Variants in RBFOX1 observed in about 807,000 individuals in gnomAD.
RBFOX1 encodes RNA binding fox-1 homolog 1.
Under a neutral mutation model 57.7 loss-of-function variants are expected in RBFOX1, and 8 were observed. That is an observed-to-expected ratio of 0.14 (90% CI 0.08 to 0.25). The LOEUF (loss-of-function observed/expected upper bound fraction) is 0.25. Ranked by LOEUF, RBFOX1 falls within the 10% of genes least tolerant of loss-of-function variation. The pLI is 1.00. For missense variants in RBFOX1, 611 were observed against 548.5 expected, an observed-to-expected ratio of 1.11 and a Z score of -1.14; for synonymous variants, 326 against 222.4, an observed-to-expected ratio of 1.47 and a Z score of -4.15.
intron 1 of RBFOX1, among the ~76,000 whole-genome samples, chr16:6,210,390 G>A (rs1343087791): frequency 2.8e-5 from 4 of 140,622 alleles, no homozygotes; most frequent in South Asian, 2.3e-4. Flanking sequence ...AGAAAGGAAG[G>A]AAGGAAAGAA....
chr16:5,920,123 A>G (rs2058789891), intron 4 of RBFOX1, among the ~76,000 whole-genome samples: 1 of 151,998 alleles, frequency 6.6e-6, no homozygotes, highest in South Asian at 2.1e-4. Flanking sequence ...TTTGGTAGAG[A>G]CGGGATTTCA....
At chr16:6,034,004 C>G (rs2095327099) in intron 1 of RBFOX1, among the ~76,000 whole-genome samples, 1 of 152,092 alleles carries the variant, frequency 6.6e-6, no homozygotes, top group Non-Finnish European at 1.5e-5. Context: ...AGTTCTGCTG[C>G]TATAACAAAA....
intron 1 of RBFOX1, among the ~76,000 whole-genome samples, chr16:6,100,927 C>T (rs1369471074): frequency 6.6e-6 from 1 of 152,116 alleles, no homozygotes. Context: ...GACTGTGTGG[C>T]CAATCTTCCC....
At chr16:6,270,038 T>C (rs1351511831) in intron 1 of RBFOX1, among the ~76,000 whole-genome samples, 1 of 152,126 alleles carries the variant, frequency 6.6e-6, no homozygotes, top group Admixed American at 6.5e-5. Context: ...GTTATGTATG[T>C]ATATTGCACT....
intron 3 of RBFOX1, among the ~76,000 whole-genome samples, chr16:5,741,766 T>C (rs1455899199): frequency 6.6e-6 from 1 of 152,214 alleles, no homozygotes; most frequent in African/African-American, 2.4e-5. Context: ...ATATTTAAAG[T>C]GAAACTTTGA....
At chr16:6,424,613 G>A (rs558898336) in intron 2 of RBFOX1, among the ~76,000 whole-genome samples, 66 of 115,946 alleles carry the variant, frequency 5.7e-4, no homozygotes, top group African/African-American at 2.2e-3. Flanking sequence ...CACTGTGTGT[G>A]TGTGTGCGTG....
At chr16:6,351,197 T>A (rs2086288501) in intron 2 of RBFOX1, among the ~76,000 whole-genome samples, 1 of 151,722 alleles carries the variant, frequency 6.6e-6, no homozygotes, top group African/African-American at 2.4e-5. Flanking sequence ...GAGAATATTT[T>A]CATGTGTGCG....
intron 4 of RBFOX1, among the ~76,000 whole-genome samples, chr16:7,068,047 G>T (rs1178159251): frequency 6.8e-6 from 1 of 148,130 alleles, no homozygotes; most frequent in Non-Finnish European, 1.5e-5. Context: ...ACTCTCTCGT[G>T]CCTCTTCTTC....
At chr16:6,838,919 C>A (rs1339374166) in intron 3 of RBFOX1, among the ~76,000 whole-genome samples, 1 of 151,914 alleles carries the variant, frequency 6.6e-6, no homozygotes, top group South Asian at 2.1e-4. Flanking sequence ...CCATTCAAGA[C>A]TGTGCACTGG....
intron 4 of RBFOX1, among the ~76,000 whole-genome samples, chr16:7,351,863 A>G (rs1249612745): frequency 6.6e-6 from 1 of 152,130 alleles, no homozygotes. Context: ...GGAAATTTTC[A>G]GCTGTCAGCA....
intron 4 of RBFOX1, among the ~76,000 whole-genome samples, chr16:7,430,689 C>G (rs1055771979): frequency 1.0e-4 from 15 of 150,126 alleles, no homozygotes; most frequent in African/African-American, 3.4e-4. Flanking sequence ...CCCACCCATT[C>G]TGTGTTTCAT....
In RBFOX1 at chr16:7,079,094, A is replaced by G. The variant is rs17142150; in HGVS notation, c.27+26996A>G. 7.7e-3 allele frequency among the ~76,000 whole-genome samples: 1,168 copies of G among 151,952 alleles called. 14 individuals are homozygous for G. The highest frequency in any genetic ancestry group is 0.026 in the African/African-American group (1,095 of 41,424). ...CTGAAGTCTTTATTTACGTGTATCTATCCCATATGGTGTACCATTCTCAAT... is the reference window on the plus strand; with the variant it reads ...CTGAAGTCTTTATTTACGTGTATCTGTCCCATATGGTGTACCATTCTCAAT... On this transcript the variant is annotated intron_variant, in intron 4 of 15. Coordinates refer to ENST00000550418, the MANE Select transcript of RBFOX1 (RefSeq NM_018723.4).
intron 2 of RBFOX1, among the ~76,000 whole-genome samples, chr16:6,639,119 G>C (rs988926600): frequency 6.6e-6 from 1 of 152,154 alleles, no homozygotes; most frequent in African/African-American, 2.4e-5. Context: ...GCTCATTTCT[G>C]GATACTCAAT....
At chr16:5,859,552 C>T (rs559163909) in intron 3 of RBFOX1, among the ~76,000 whole-genome samples, 1 of 152,254 alleles carries the variant, frequency 6.6e-6, no homozygotes, top group South Asian at 2.1e-4. Context: ...GTTGAAGGTT[C>T]TGAAAATCAC....
chr16:7,649,385 G>C (rs1392113907), intron 11 of RBFOX1, among the ~76,000 whole-genome samples: 1 of 152,196 alleles, frequency 6.6e-6, no homozygotes, highest in Non-Finnish European at 1.5e-5. Context: ...TAAAGTCTGG[G>C]TCTGTTTAGT....
intron 2 of RBFOX1, among the ~76,000 whole-genome samples, chr16:6,635,111 A>C (rs1011603524): frequency 1.4e-5 from 2 of 146,174 alleles, no homozygotes; most frequent in Non-Finnish European, 3.0e-5. Context: ...ATAAAGTATT[A>C]TATGTAAGTA....
At chr16:6,599,322 G>A (rs1297052445) in intron 2 of RBFOX1, among the ~76,000 whole-genome samples, 3 of 152,154 alleles carry the variant, frequency 2.0e-5, no homozygotes, top group East Asian at 3.9e-4. Flanking sequence ...CAGTCAGCCA[G>A]GGGTCCTCTA....
chr16:7,601,280 G>C (rs935331363), intron 9 of RBFOX1, among the ~76,000 whole-genome samples: 2 of 152,162 alleles, frequency 1.3e-5, no homozygotes, highest in African/African-American at 2.4e-5. Context: ...CTGTACAAAT[G>C]ATGGGAACTA....
chr16:7,351,380 G>A (rs886988543), intron 4 of RBFOX1, among the ~76,000 whole-genome samples: 12 of 152,238 alleles, frequency 7.9e-5, no homozygotes, highest in African/African-American at 2.7e-4. Flanking sequence ...TCACCACTAC[G>A]TGCAAGGCAC....
Sources: allele counts gnomAD v4.1 joint callset (sites outside exome capture counted in the v4.1 genomes callset), GRCh38; gene constraint gnomAD v4.1.1; transcripts MANE v1.5; gene names NCBI Gene and HGNC (gene_info 2026-07-23, HGNC 2026-07-21).